TUT4: variants seen among roughly 807,000 people sequenced by gnomAD.
The protein encoded by TUT4 is terminal uridylyltransferase 4.
Under a neutral mutation model 192.2 loss-of-function variants are expected in TUT4, and 36 were observed. That is an observed-to-expected ratio of 0.19 (90% confidence interval 0.14 to 0.25). TUT4 has a LOEUF of 0.25. Ranked by LOEUF, TUT4 falls within the 10% of genes least tolerant of loss-of-function variation. TUT4 has a pLI of 1.00. For missense variants in TUT4, 1,493 were observed against 1,957.2 expected (o/e 0.76, Z 4.47); for synonymous variants, 618 against 666.0 (o/e 0.93, Z 1.11).
At chr1:52,461,035 T>G in intron 19 of TUT4, 99 bp downstream of exon 19, 1 of 971,292 alleles carries the variant, frequency 1.0e-6, no homozygotes, top group Non-Finnish European at 1.5e-6. Flanking sequence ...AAAGCTCAGA[T>G]AAACAAAACT....
rs1670522805 is a variant in TUT4 at position 52,489,118 on chromosome 1, T to C, written c.1389-83A>G. 13 of 1,387,136 alleles carry C rather than the reference T, an allele frequency of 9.4e-6. No individual in the cohort carries two copies. The South Asian group carries it at 1.9e-4, about 20-fold the overall frequency. The allele number at this position is 1,387,136 out of a possible 1,614,324, so 85.9% of individuals were successfully genotyped here. A position where few individuals can be genotyped will look rare whatever the true frequency, so the allele number is the denominator to read the frequency against. On this transcript the variant is annotated intron_variant, in intron 8 of 29. Transcript: ENST00000257177. The stretch of plus-strand genomic sequence containing the variant: ...TCAAATCCTGTGGCTATTTTCTTTC[T>C]AGTTATCATATTGTAACATAGTACC...
In TUT4 at chr1:52,461,450, A is replaced by C. The variant is rs985505027; in HGVS notation, c.3231+63T>G. 65 of 1,455,284 alleles carry C rather than the reference A, an allele frequency of 4.5e-5. No individual in the cohort carries two copies. In the Middle Eastern group the frequency reaches 1.1e-3, roughly 24 times the overall value. The allele number at this position is 1,455,284 out of a possible 1,614,324, so 90.1% of individuals were successfully genotyped here. ...TCACATTTGAAAGTTTTAAACATAG[A>C]GTCAGTAATCTGTAAACTTTTAAAA... On this transcript the variant is annotated intron_variant, in intron 18 of 29. Coordinates refer to ENST00000257177, the MANE Select transcript of TUT4 (RefSeq NM_001009881.3).
At chr1:52,492,473 T>TATAG (rs977887590) in intron 7 of TUT4, among the ~76,000 whole-genome samples, 1 of 152,164 alleles carries the variant, frequency 6.6e-6, no homozygotes, top group Non-Finnish European at 1.5e-5. Context: ...TTTTCTAAAC[T>TATAG]ATAGTTTAGC....
chr1:52,459,726 CA>C (rs1160282507), intron 19 of TUT4, among the ~76,000 whole-genome samples: 1 of 151,822 alleles, frequency 6.6e-6, no homozygotes, highest in African/African-American at 2.4e-5. Context: ...GCCAAAAATA[CA>C]AAAATTAGCC....
chr1:52,512,587 C>G (rs1677490183), intron 3 of TUT4, among the ~76,000 whole-genome samples: 1 of 152,140 alleles, frequency 6.6e-6, no homozygotes, highest in African/African-American at 2.4e-5. Context: ...CAAAACTGCT[C>G]TCATCATCAT....
In TUT4 at chr1:52,526,264, G is replaced by A. The variant is rs1168406024; in HGVS notation, c.17C>T (p.Thr6Ile). The stretch of plus-strand genomic sequence containing the variant: ...TGGTTCATGATTTTCACTTTTTAAG[G>A]TTTTAGACTCTTCCATTATTTGAAA... MEESKTLKSENHEPKK... is the reference protein window; with the variant it reads MEESKILKSENHEPKK... Residue 6 changes from threonine to isoleucine, a missense_variant, in exon 2 of 30, where the codon ACC becomes ATC. Around this residue, in one of 7 missense-constraint regions of TUT4, gnomAD observed 260 missense variants for 247.8 expected, o/e 1.05. Transcript: ENST00000257177. 6.5e-7 allele frequency: 1 copy of A among 1,544,268 alleles called. No individual in the cohort carries two copies. The highest frequency in any genetic ancestry group is 8.7e-7 in the Non-Finnish European group (1 of 1,155,196).
In TUT4 at chr1:52,525,918, T is replaced by G. The variant is rs373548855; in HGVS notation, c.363A>C (p.Ala121=). 3 of 1,614,000 alleles carry G rather than the reference T, an allele frequency of 1.9e-6. No homozygotes were observed. The African/African-American group carries it at 4.0e-5, about 22-fold the overall frequency. The change falls in exon 2 of 30, where the codon GCA becomes GCC. Residue 121 remains alanine, a synonymous_variant. Coordinates refer to ENST00000257177, the MANE Select transcript of TUT4 (RefSeq NM_001009881.3). ...TTTCTGCTTTTGCCTGTAAACTGGT[T>G]GCCTTTTCTGATTTTGCCTGTGAAA... ...ATISQAKSEK[A]TSLQAKAEKS...
At chr1:52,471,236 C>G (rs1356814635) in intron 14 of TUT4, among the ~76,000 whole-genome samples, 1 of 152,010 alleles carries the variant, frequency 6.6e-6, no homozygotes, top group Non-Finnish European at 1.5e-5. Flanking sequence ...AGGCTGGTCT[C>G]GAACTCCTGA....
chr1:52,505,418 C>A (rs368435594), intron 4 of TUT4, among the ~76,000 whole-genome samples: 1 of 109,536 alleles, frequency 9.1e-6, no homozygotes, highest in Non-Finnish European at 1.8e-5. Flanking sequence ...TTTGCTTAGA[C>A]TTTTTTTTTT....
At chr1:52,518,564 T>C (rs749350726) in intron 2 of TUT4, among the ~76,000 whole-genome samples, 1 of 152,174 alleles carries the variant, frequency 6.6e-6, no homozygotes, top group Non-Finnish European at 1.5e-5. Flanking sequence ...AATACAATTA[T>C]GTTGGAGGTT....
At chr1:52,491,506 G>A (rs1339218751) in intron 7 of TUT4, among the ~76,000 whole-genome samples, 2 of 152,020 alleles carry the variant, frequency 1.3e-5, no homozygotes, top group African/African-American at 4.8e-5. Flanking sequence ...TGGCCAAGAT[G>A]GTGAAACCTC....
intron 1 of TUT4, among the ~76,000 whole-genome samples, chr1:52,542,500 A>G (rs1183242715): frequency 6.6e-6 from 1 of 152,210 alleles, no homozygotes; most frequent in Non-Finnish European, 1.5e-5. Flanking sequence ...AGATCAATGT[A>G]ACACACATTA....
intron 3 of TUT4, among the ~76,000 whole-genome samples, chr1:52,510,169 G>T (rs900846662): frequency 6.6e-6 from 1 of 151,808 alleles, no homozygotes; most frequent in Non-Finnish European, 1.5e-5. Flanking sequence ...AAATTTAGCC[G>T]TGCATGGTGG....
At chr1:52,548,173 A>G (rs1320832034) in intron 1 of TUT4, among the ~76,000 whole-genome samples, 1 of 152,132 alleles carries the variant, frequency 6.6e-6, no homozygotes, top group Non-Finnish European at 1.5e-5. Context: ...CCCCTCTCCA[A>G]AAGGTCCCCA....
rs575844006 is a variant in TUT4 at position 52,468,049 on chromosome 1, T to A, written c.2965+132A>T. 34 of 642,920 alleles carry A rather than the reference T, an allele frequency of 5.3e-5. 1 individual carries two copies. In the South Asian group the frequency reaches 6.7e-4, roughly 13 times the overall value. The allele number at this position is 642,920 out of a possible 1,614,324, so 39.8% of individuals were successfully genotyped here. ...AAGCTTCATGAGGTTTCATCTCTTTTATTAGCACTGTATTCCCAGCAACTA... is the reference window on the plus strand; with the variant it reads ...AAGCTTCATGAGGTTTCATCTCTTTAATTAGCACTGTATTCCCAGCAACTA... On this transcript the variant is annotated intron_variant, in intron 15 of 29. Transcript: ENST00000257177.
intron 2 of TUT4, among the ~76,000 whole-genome samples, chr1:52,522,987 C>CA (rs1680693863): frequency 1.1e-5 from 1 of 89,584 alleles, no homozygotes; most frequent in Admixed American, 1.7e-4. Flanking sequence ...CCTTAACTAT[C>CA]TTTTTTTTTT....
At chr1:52,490,680 T>C in intron 8 of TUT4, 52 bp downstream of exon 8, 1 of 1,501,442 alleles carries the variant, frequency 6.7e-7, no homozygotes, top group South Asian at 1.2e-5. Flanking sequence ...TCACTACAAA[T>C]TTGGTTGTTG....
intron 19 of TUT4, among the ~76,000 whole-genome samples, chr1:52,459,476 C>T (rs1254616223): frequency 6.6e-6 from 1 of 152,044 alleles, no homozygotes; most frequent in Non-Finnish European, 1.5e-5. Flanking sequence ...GTAGTCCTGG[C>T]TACTCAAGAG....
chr1:52,432,782 G>A (rs1041608483), intron 27 of TUT4: 1 of 152,192 alleles, frequency 6.6e-6, no homozygotes, highest in East Asian at 1.9e-4. Context: ...TTAGCCAAGT[G>A]TGGTGGTGCA....
Sources: gnomAD v4.1 joint callset for allele counts (sites outside exome capture counted in the v4.1 genomes callset) on GRCh38, gnomAD v4.1.1 for gene constraint, gnomAD v4.1.1 regional missense constraint, MANE v1.5 for transcripts, NCBI Gene and HGNC (gene_info 2026-07-23, HGNC 2026-07-21) for gene names.